The following EFHC2 variants were observed in gnomAD, a reference collection of about 807,000 sequenced individuals.
EFHC2 encodes the protein EF-hand domain containing 2.
In EFHC2, 18 loss-of-function variants were observed where a neutral mutation model predicts 52.7. The observed-to-expected ratio is 0.34, with a 90% CI of 0.24 to 0.51. EFHC2 has a LOEUF of 0.51. EFHC2 is among the 20% of genes least tolerant of loss of function. The probability of loss-of-function intolerance (pLI) is 0.97; values close to 1 mark genes in which losing one functional copy is unlikely to be tolerated. For missense variants in EFHC2, 513 were observed against 562.5 expected, an observed-to-expected ratio of 0.91 and a Z score of 0.89; for synonymous variants, 203 against 204.1, an observed-to-expected ratio of 0.99 and a Z score of 0.04.
At chrX:44,158,567 A>C (rs1007511070) in intron 14 of EFHC2, among the ~76,000 whole-genome samples, 5 of 110,733 alleles carry the variant, frequency 4.5e-5, no homozygotes, top group African/African-American at 1.6e-4. Context: ...GTGCCTTCAC[A>C]ACCTGATGGA....
chrX:44,252,528 G>T (rs1192353769), intron 4 of EFHC2, among the ~76,000 whole-genome samples: 1 of 111,379 alleles, frequency 9.0e-6, no homozygotes, highest in Non-Finnish European at 1.9e-5. Context: ...GCATTATGAG[G>T]CCTCTAAGAA....
chrX:44,322,309 CAGTA>C (rs1274024203), intron 1 of EFHC2, among the ~76,000 whole-genome samples: 1 of 111,969 alleles, frequency 8.9e-6, no homozygotes, highest in African/African-American at 3.2e-5. Flanking sequence ...TACTTTCTGA[CAGTA>C]AGGACTATAG....
chrX:44,211,652 G>A (rs1346437183), intron 11 of EFHC2, among the ~76,000 whole-genome samples: 1 of 110,401 alleles, frequency 9.1e-6, no homozygotes, highest in Admixed American at 9.6e-5. Context: ...ATGAGATCAG[G>A]AGATCGAGAC....
intron 3 of EFHC2, among the ~76,000 whole-genome samples, chrX:44,269,847 T>C (rs1261951665): frequency 1.8e-5 from 2 of 111,859 alleles, no homozygotes; most frequent in African/African-American, 6.5e-5. Context: ...ACAGTGACAG[T>C]AACTACTTTA....
At chrX:44,181,138 A>G (rs773323300) in intron 11 of EFHC2, among the ~76,000 whole-genome samples, 4 of 111,250 alleles carry the variant, frequency 3.6e-5, no homozygotes, top group Non-Finnish European at 7.5e-5. Context: ...TATTGGTAGG[A>G]TAGATGTCCA....
intron 11 of EFHC2, among the ~76,000 whole-genome samples, chrX:44,220,131 G>A (rs1407081711): frequency 4.5e-5 from 5 of 111,665 alleles, no homozygotes; most frequent in African/African-American, 1.3e-4. Flanking sequence ...TTCTTCAAAG[G>A]ATATACATTC....
At chrX:44,306,942 A>G (rs1395953534) in intron 2 of EFHC2, among the ~76,000 whole-genome samples, 1 of 112,237 alleles carries the variant, frequency 8.9e-6, no homozygotes, top group Non-Finnish European at 1.9e-5. Flanking sequence ...ACGAGGGGCT[A>G]TGGAGCCTGA....
At chrX:44,180,377 T>A (rs915727432) in intron 11 of EFHC2, among the ~76,000 whole-genome samples, 2 of 112,205 alleles carry the variant, frequency 1.8e-5, no homozygotes, top group Non-Finnish European at 3.8e-5. Context: ...AGCCCCTGGC[T>A]CCTCTACAAC....
intron 1 of EFHC2, among the ~76,000 whole-genome samples, chrX:44,317,659 G>A (rs1275910774): frequency 3.5e-5 from 4 of 112,758 alleles, no homozygotes; most frequent in African/African-American, 1.3e-4. Flanking sequence ...GGCGGTGCAT[G>A]CGTATAGTCC....
chrX:44,325,598 G>A (rs952071188), intron 1 of EFHC2, among the ~76,000 whole-genome samples: 4 of 109,327 alleles, frequency 3.7e-5, no homozygotes, highest in Non-Finnish European at 7.6e-5. Context: ...TACAGAAACC[G>A]TAAAGTTAAT....
intron 11 of EFHC2, among the ~76,000 whole-genome samples, chrX:44,218,587 A>G (rs2037169343): frequency 8.9e-6 from 1 of 112,441 alleles, no homozygotes; most frequent in Non-Finnish European, 1.9e-5. Flanking sequence ...TTAATTTGAG[A>G]TAAGTCATAG....
At chrX:44,272,605 C>T in intron 3 of EFHC2, 81 bp downstream of exon 3, 1 of 1,038,705 alleles carries the variant, frequency 9.6e-7, no homozygotes, top group Non-Finnish European at 1.3e-6. Flanking sequence ...AGCATGCAGT[C>T]TTTTGAAAAG....
chrX:44,223,987 T>C (rs1216003696), intron 11 of EFHC2, among the ~76,000 whole-genome samples: 1 of 111,925 alleles, frequency 8.9e-6, no homozygotes, highest in Non-Finnish European at 1.9e-5. Context: ...ATGAGATCAT[T>C]ACCATGTTCT....
chrX:44,229,555 A>G lies in EFHC2; in HGVS notation c.1751+94T>C. 2.7e-6 allele frequency: 3 copies of G among 1,100,323 alleles called. No individual in the cohort carries two copies. In the Admixed American group the frequency reaches 7.6e-5, roughly 28 times the overall value. The allele number at this position is 1,100,323 out of a possible 1,213,427, so 90.7% of individuals were successfully genotyped here. On this transcript the variant is annotated intron_variant, in intron 11 of 14. Transcript: ENST00000420999. ...TCAAAGAAATGCCAATTCCTAATAA[A>G]AAATAGTTAACTGATTAGGAAAGAA...
intron 13 of EFHC2, among the ~76,000 whole-genome samples, chrX:44,170,813 A>G (rs1237686934): frequency 8.9e-6 from 1 of 112,237 alleles, no homozygotes; most frequent in African/African-American, 3.2e-5. Context: ...GCCACTCTGG[A>G]GGAAATTCTT....
At chrX:44,221,578 T>C (rs185928921) in intron 11 of EFHC2, among the ~76,000 whole-genome samples, 6 of 111,920 alleles carry the variant, frequency 5.4e-5, no homozygotes, top group South Asian at 3.7e-4. Context: ...CAACATTTTC[T>C]TGGATATTCT....
At chrX:44,206,831 T>C (rs747886754) in intron 11 of EFHC2, among the ~76,000 whole-genome samples, 2 of 111,650 alleles carry the variant, frequency 1.8e-5, no homozygotes, top group Admixed American at 1.9e-4. Flanking sequence ...ACCAATGTCA[T>C]TTTTTTCACA....
chrX:44,260,410 C>T (rs976273161), intron 4 of EFHC2, among the ~76,000 whole-genome samples: 11 of 111,529 alleles, frequency 9.9e-5, no homozygotes, highest in Non-Finnish European at 2.1e-4. Context: ...TTTGAGTGTT[C>T]AAATTCTTCT....
At chrX:44,282,686 C>CA (rs1178054181) in intron 2 of EFHC2, among the ~76,000 whole-genome samples, 319 of 29,011 alleles carry the variant, frequency 0.011, no homozygotes, top group Non-Finnish European at 0.017. Context: ...AAAACAAAAA[C>CA]AAAAAAAAAA....
Sources: allele counts gnomAD v4.1 joint callset (sites outside exome capture counted in the v4.1 genomes callset), GRCh38; gene constraint gnomAD v4.1.1; transcripts MANE v1.5; gene names NCBI Gene and HGNC (gene_info 2026-07-23, HGNC 2026-07-21).